MSRA: variants seen among roughly 807,000 people sequenced by gnomAD.
MSRA encodes mitochondrial peptide methionine sulfoxide reductase.
A neutral mutation model predicts 31.3 loss-of-function variants in MSRA; 54 were observed. The observed-to-expected ratio is 1.73, with a 90% CI of 1.39 to 2.17. The LOEUF is 2.17. MSRA is among the 30% of genes most tolerant of loss of function. The probability of loss-of-function intolerance (pLI) is 0.00; values close to 1 mark genes in which losing one functional copy is unlikely to be tolerated. For synonymous variants in MSRA, 169 were observed against 116.5 expected (o/e 1.45, Z -2.90); for missense variants, 507 against 300.9 (o/e 1.69, Z -5.07).
intron 5 of MSRA, among the ~76,000 whole-genome samples, chr8:10,415,555 C>A (rs766280866): frequency 6.6e-6 from 1 of 152,086 alleles, no homozygotes; most frequent in Non-Finnish European, 1.5e-5. Flanking sequence ...AGAAATAGGC[C>A]ACAGCTTGAT....
chr8:10,186,241 A>G (rs1807041664), intron 1 of MSRA, among the ~76,000 whole-genome samples: 1 of 152,060 alleles, frequency 6.6e-6, no homozygotes, highest in South Asian at 2.1e-4. Flanking sequence ...TCCCTGTTCT[A>G]GGACAGGGGC....
chr8:10,081,279 A>G (rs1798279663), intron 1 of MSRA, among the ~76,000 whole-genome samples: 1 of 152,212 alleles, frequency 6.6e-6, no homozygotes, highest in Non-Finnish European at 1.5e-5. Context: ...CTGGCATCCC[A>G]TAGCTGACTT....
chr8:10,211,600 C>G (rs1477893909), intron 2 of MSRA, among the ~76,000 whole-genome samples: 1 of 152,004 alleles, frequency 6.6e-6, no homozygotes, highest in Non-Finnish European at 1.5e-5. Context: ...TGGCTCTCAC[C>G]CATTTGATCT....
intron 3 of MSRA, among the ~76,000 whole-genome samples, chr8:10,290,855 G>T (rs1183694303): frequency 6.6e-6 from 1 of 152,130 alleles, no homozygotes; most frequent in African/African-American, 2.4e-5. Context: ...GGATACCATG[G>T]TCCCTGCTTG....
At chr8:10,246,157 C>G (rs1797612333) in intron 3 of MSRA, among the ~76,000 whole-genome samples, 1 of 152,190 alleles carries the variant, frequency 6.6e-6, no homozygotes, top group Non-Finnish European at 1.5e-5. Context: ...TATATATTAT[C>G]TATGAGTGTT....
At chr8:10,346,050 T>G (rs1803754050) in intron 5 of MSRA, among the ~76,000 whole-genome samples, 1 of 152,166 alleles carries the variant, frequency 6.6e-6, no homozygotes, top group Non-Finnish European at 1.5e-5. Flanking sequence ...ATTGTGTTTA[T>G]GTGTACATGT....
intron 1 of MSRA, among the ~76,000 whole-genome samples, chr8:10,056,511 C>T (rs548127260): frequency 3.0e-4 from 43 of 143,400 alleles, no homozygotes; most frequent in South Asian, 2.3e-3. Flanking sequence ...ATCTCTGTAT[C>T]TGGGCCAGTA....
intron 1 of MSRA, among the ~76,000 whole-genome samples, chr8:10,178,765 A>G (rs753784221): frequency 5.9e-5 from 9 of 152,120 alleles, no homozygotes; most frequent in African/African-American, 9.7e-5. Flanking sequence ...ATTTTGTCAA[A>G]GATTGGAACT....
intron 1 of MSRA, among the ~76,000 whole-genome samples, chr8:10,078,171 AC>A (rs1311557129): frequency 1.3e-5 from 2 of 152,212 alleles, no homozygotes; most frequent in African/African-American, 4.8e-5. Flanking sequence ...AGAGGTGAGC[AC>A]TATAAAGATG....
intron 5 of MSRA, among the ~76,000 whole-genome samples, chr8:10,412,257 T>C (rs1056782661): frequency 1.3e-5 from 2 of 152,086 alleles, no homozygotes; most frequent in African/African-American, 4.8e-5. Context: ...TAAGTGTTTC[T>C]TAATTTAATC....
At chr8:10,118,633 G>A (rs1360081743) in intron 1 of MSRA, among the ~76,000 whole-genome samples, 1 of 152,050 alleles carries the variant, frequency 6.6e-6, no homozygotes, top group Non-Finnish European at 1.5e-5. Context: ...TCCAGCATTT[G>A]ACTCTTCCCC....
intron 3 of MSRA, among the ~76,000 whole-genome samples, chr8:10,288,573 C>A (rs935130869): frequency 6.6e-6 from 1 of 152,118 alleles, no homozygotes; most frequent in Non-Finnish European, 1.5e-5. Context: ...ATAACTGATG[C>A]TTTTGGCACT....
At chr8:10,266,790 C>T (rs1798771038) in intron 3 of MSRA, among the ~76,000 whole-genome samples, 1 of 152,064 alleles carries the variant, frequency 6.6e-6, no homozygotes, top group Non-Finnish European at 1.5e-5. Context: ...TAGCAAAAGG[C>T]ACATATTGGA....
intron 1 of MSRA, among the ~76,000 whole-genome samples, chr8:10,071,293 G>C (rs1449015427): frequency 1.3e-5 from 2 of 152,044 alleles, no homozygotes; most frequent in African/African-American, 4.8e-5. Flanking sequence ...TTTGTCATTT[G>C]TATATCCTCT....
chr8:10,334,001 A>C (rs1802865110), intron 5 of MSRA, among the ~76,000 whole-genome samples: 1 of 152,052 alleles, frequency 6.6e-6, no homozygotes, highest in Non-Finnish European at 1.5e-5. Context: ...CAGGGCCTAT[A>C]CGTTTTTCTC....
intron 1 of MSRA, among the ~76,000 whole-genome samples, chr8:10,062,072 G>C (rs941259521): frequency 3.9e-5 from 6 of 152,206 alleles, no homozygotes; most frequent in African/African-American, 1.4e-4. Flanking sequence ...ACATCAGCCT[G>C]GGGCATGGGT....
At chr8:10,183,840 G>A (rs1227719300) in intron 1 of MSRA, among the ~76,000 whole-genome samples, 1 of 151,376 alleles carries the variant, frequency 6.6e-6, no homozygotes, top group Non-Finnish European at 1.5e-5. Context: ...TGGTGGTATT[G>A]GTAGTGATGG....
intron 2 of MSRA, among the ~76,000 whole-genome samples, chr8:10,210,227 C>G (rs193054686): frequency 1.3e-5 from 2 of 152,266 alleles, no homozygotes; most frequent in African/African-American, 2.4e-5. Flanking sequence ...ACTCCTCTTC[C>G]TAGCGAGGCC....
chr8:10,379,659 T>C (rs1020275902), intron 5 of MSRA, among the ~76,000 whole-genome samples: 1 of 152,222 alleles, frequency 6.6e-6, no homozygotes, highest in African/African-American at 2.4e-5. Flanking sequence ...CCCTTTGTTT[T>C]GACAAGACCT....
Sources: allele counts gnomAD v4.1 joint callset (sites outside exome capture counted in the v4.1 genomes callset), GRCh38; gene constraint gnomAD v4.1.1; transcripts MANE v1.5; gene names NCBI Gene and HGNC (gene_info 2026-07-23, HGNC 2026-07-21).